Variants in WDPCP observed in about 807,000 individuals in gnomAD.
The protein encoded by WDPCP is WD repeat-containing and planar cell polarity effector protein fritz homolog.
WDPCP carries 71 observed loss-of-function variants against 93.1 expected under a neutral mutation model. The ratio of observed to expected loss-of-function variants is 0.76; its 90% confidence interval spans 0.63 to 0.93. The LOEUF (loss-of-function observed/expected upper bound fraction) is 0.93. Ranked by LOEUF, WDPCP falls within the 40% of genes least tolerant of loss-of-function variation. The probability of loss-of-function intolerance (pLI) is 0.00; values close to 1 mark genes in which losing one functional copy is unlikely to be tolerated. For missense variants in WDPCP, 844 were observed against 887.4 expected, an observed-to-expected ratio of 0.95 and a Z score of 0.62; for synonymous variants, 315 against 315.0, an observed-to-expected ratio of 1.00 and a Z score of 0.00.
intron 3 of WDPCP, chr2:63,642,929 C>T (rs1479863025): frequency 6.6e-6 from 1 of 152,142 alleles, no homozygotes; most frequent in Admixed American, 6.5e-5. Context: ...CAGTTTTTCC[C>T]CATTTAGTAT....
intron 14 of WDPCP, among the ~76,000 whole-genome samples, chr2:63,185,278 G>A (rs575847087): frequency 2.6e-5 from 4 of 152,170 alleles, no homozygotes; most frequent in Non-Finnish European, 5.9e-5. Context: ...CCTTTGAGGG[G>A]TGTCATAACT....
At chr2:63,234,996 TA>T (rs1320475573) in intron 14 of WDPCP, among the ~76,000 whole-genome samples, 1 of 152,046 alleles carries the variant, frequency 6.6e-6, no homozygotes, top group Non-Finnish European at 1.5e-5. Flanking sequence ...GCTAAATAAC[TA>T]AAATTAGAGC....
At chr2:63,470,749 A>G (rs748956952) in intron 6 of WDPCP, among the ~76,000 whole-genome samples, 1 of 152,180 alleles carries the variant, frequency 6.6e-6, no homozygotes, top group Non-Finnish European at 1.5e-5. Flanking sequence ...AGCCCTCTGG[A>G]TGACCTAGAA....
rs1391558315 is a variant in WDPCP at position 63,439,596 on chromosome 2, G to A, written c.499+161C>T. 3.9e-5 allele frequency among the ~76,000 whole-genome samples: 6 copies of A among 152,012 alleles called. No homozygotes were observed. The South Asian group carries it at 8.3e-4, about 21-fold the overall frequency. ...AAAACTTTGATATTAAATATTAGTC[G>A]AAACTTGTATTGGTCCCAGGGGGTG... On this transcript the variant is annotated intron_variant, in intron 7 of 17. Coordinates refer to ENST00000272321, the MANE Select transcript of WDPCP (RefSeq NM_015910.7).
At chr2:63,146,407 T>G (rs1282387508) in intron 17 of WDPCP, among the ~76,000 whole-genome samples, 1 of 29,080 alleles carries the variant, frequency 3.4e-5, no homozygotes, top group Non-Finnish European at 9.0e-5. Flanking sequence ...TGAGAGCGTG[T>G]TTTTTTTTTT....
At chr2:63,722,141 C>CGG (rs1221772273) in intron 2 of WDPCP, among the ~76,000 whole-genome samples, 1 of 152,058 alleles carries the variant, frequency 6.6e-6, no homozygotes, top group Non-Finnish European at 1.5e-5. Context: ...AGCCTCTGCC[C>CGG]GGCCGCCACC....
chr2:63,336,944 A>T (rs1282450308), intron 12 of WDPCP, among the ~76,000 whole-genome samples: 1 of 122,826 alleles, frequency 8.1e-6, no homozygotes, highest in Non-Finnish European at 1.6e-5. Flanking sequence ...ACCAGGTTGG[A>T]GTGCAGTGGC....
chr2:63,282,061 A>G (rs767597371), intron 13 of WDPCP, among the ~76,000 whole-genome samples: 35 of 152,242 alleles, frequency 2.3e-4, no homozygotes, highest in Admixed American at 3.9e-4. Flanking sequence ...GACATTCTTC[A>G]CAGAAATAGA....
intron 1 of WDPCP, among the ~76,000 whole-genome samples, chr2:63,512,510 G>C (rs1702297395): frequency 6.6e-6 from 1 of 152,204 alleles, no homozygotes; most frequent in Non-Finnish European, 1.5e-5. Flanking sequence ...ATCAATGTTA[G>C]ACTGGATGAA....
intron 12 of WDPCP, among the ~76,000 whole-genome samples, chr2:63,356,191 A>G (rs1250428521): frequency 2.0e-5 from 3 of 152,246 alleles, no homozygotes; most frequent in African/African-American, 4.8e-5. Flanking sequence ...AGGACATTAC[A>G]TAATGGTAAA....
rs549636081 is a variant in WDPCP, at chr2:63,268,114, A to G, written c.1813-8705T>C. 9.8e-5 allele frequency among the ~76,000 whole-genome samples: 15 copies of G among 152,316 alleles called. No individual in the cohort carries two copies. In the South Asian group the frequency reaches 3.1e-3, roughly 32 times the overall value. ...TGGATAAAGGCAATATGGTATATGA[A>G]CACAATGAGATATTATATATATAGC... On this transcript the variant is annotated intron_variant, in intron 13 of 17. Transcript: ENST00000272321.
chr2:63,470,323 T>C, intron 6 of WDPCP, among the ~76,000 whole-genome samples: 1 of 152,228 alleles, frequency 6.6e-6, no homozygotes, highest in East Asian at 1.9e-4. Context: ...ACTTCTCTAA[T>C]TGGCTATCTA....
chr2:63,142,485 T>G (rs908057479), intron 17 of WDPCP, among the ~76,000 whole-genome samples: 1 of 152,238 alleles, frequency 6.6e-6, no homozygotes, highest in African/African-American at 2.4e-5. Flanking sequence ...TTTATTCCAC[T>G]GTGATCTGAG....
chr2:63,140,858 G>A (rs1222154526), intron 17 of WDPCP, among the ~76,000 whole-genome samples: 2 of 152,110 alleles, frequency 1.3e-5, no homozygotes, highest in African/African-American at 4.8e-5. Context: ...TGTTGAACAG[G>A]AGTGGTGACA....
chr2:63,187,127 T>C (rs1311189759), intron 14 of WDPCP, among the ~76,000 whole-genome samples: 1 of 152,210 alleles, frequency 6.6e-6, no homozygotes. Context: ...CTTCTTAGTC[T>C]CTTGTGACAG....
intron 14 of WDPCP, among the ~76,000 whole-genome samples, chr2:63,252,675 T>C (rs1293723392): frequency 6.6e-6 from 1 of 151,826 alleles, no homozygotes; most frequent in African/African-American, 2.4e-5. Flanking sequence ...ACTTACAATA[T>C]CAATACACAA....
intron 3 of WDPCP, chr2:63,604,864 T>C (rs1709497751): frequency 6.2e-7 from 1 of 1,614,068 alleles, no homozygotes; most frequent in Non-Finnish European, 8.5e-7. Context: ...CAAGGGAGAA[T>C]TTGTCACGGT....
intron 2 of WDPCP, among the ~76,000 whole-genome samples, chr2:63,711,898 C>T (rs549155949): frequency 6.6e-6 from 1 of 152,186 alleles, no homozygotes; most frequent in Non-Finnish European, 1.5e-5. Flanking sequence ...CTGGAGAAAC[C>T]GGGCCCTCCC....
chr2:63,680,530 C>G (rs1335517124), intron 2 of WDPCP, among the ~76,000 whole-genome samples: 1 of 152,172 alleles, frequency 6.6e-6, no homozygotes, highest in Non-Finnish European at 1.5e-5. Context: ...AATCACCCAT[C>G]CCAGTGGTCA....
Sources: gnomAD v4.1 joint callset for allele counts (sites outside exome capture counted in the v4.1 genomes callset) on GRCh38, gnomAD v4.1.1 for gene constraint, MANE v1.5 for transcripts, NCBI Gene and HGNC (gene_info 2026-07-23, HGNC 2026-07-21) for gene names.